Variants in FAT3 observed in about 807,000 individuals in gnomAD.
FAT3 encodes the protein FAT atypical cadherin 3, also known as protocadherin Fat 3.
Under a neutral mutation model 310.2 loss-of-function variants are expected in FAT3, and 95 were observed. The ratio of observed to expected loss-of-function variants is 0.31; its 90% CI spans 0.26 to 0.36. The LOEUF is 0.36. Among genes scored for constraint, FAT3 ranks in the 10% least tolerant of loss-of-function variants. The pLI is 1.00. For missense variants in FAT3, 5,408 were observed against 5,715.6 expected (o/e 0.95, Z 1.74); for synonymous variants, 2,314 against 2,192.9 (o/e 1.06, Z -1.54).
intron 4 of FAT3, among the ~76,000 whole-genome samples, chr11:92,761,085 G>A (rs890493696): frequency 1.3e-5 from 2 of 152,202 alleles, no homozygotes; most frequent in African/African-American, 4.8e-5. Flanking sequence ...TTAACATGGA[G>A]ATGTGTCTTA....
At chr11:92,400,706 C>T (rs961586233) in intron 2 of FAT3, 27 of 151,060 alleles carry the variant, frequency 1.8e-4, no homozygotes, top group Admixed American at 1.8e-3. Context: ...GGTAAGCCAC[C>T]TAAATAGAAG....
intron 24 of FAT3, among the ~76,000 whole-genome samples, chr11:92,884,966 AAACACTTGCC>A (rs1949764817): frequency 6.6e-6 from 1 of 152,230 alleles, no homozygotes; most frequent in Non-Finnish European, 1.5e-5. Context: ...GCAAGGAGAC[AAACACTTGCC>A]AACAAAGAAA....
intron 19 of FAT3, among the ~76,000 whole-genome samples, chr11:92,851,483 C>T (rs1384045236): frequency 1.3e-5 from 2 of 152,058 alleles, no homozygotes; most frequent in Non-Finnish European, 2.9e-5. Flanking sequence ...AAAAAATTAG[C>T]CAGGGCCAAA....
At chr11:92,370,675 A>T (rs2134714885) in intron 2 of FAT3, among the ~76,000 whole-genome samples, 1 of 152,300 alleles carries the variant, frequency 6.6e-6, no homozygotes, top group South Asian at 2.1e-4. Context: ...CTGACTGCTA[A>T]TTTATCCTAC....
intron 3 of FAT3, among the ~76,000 whole-genome samples, chr11:92,538,819 C>G (rs1591421528): frequency 6.6e-6 from 1 of 151,976 alleles, no homozygotes; most frequent in South Asian, 2.1e-4. Context: ...CTTATGGGAC[C>G]TTTTTTTCTG....
At chr11:92,773,926 T>C (rs1194732230) in intron 6 of FAT3, 115 bp from the exon 7 acceptor site, 4 of 1,076,056 alleles carry the variant, frequency 3.7e-6, no homozygotes, top group South Asian at 1.6e-5. Flanking sequence ...AATTGAGCCA[T>C]AGGGATGCCT....
At chr11:92,514,919 A>G (rs573554484) in intron 2 of FAT3, among the ~76,000 whole-genome samples, 2 of 152,264 alleles carry the variant, frequency 1.3e-5, no homozygotes, top group East Asian at 3.9e-4. Flanking sequence ...TGTGTTAGCT[A>G]AAACTGCCCA....
At chr11:92,423,617 C>T (rs1950573611) in intron 2 of FAT3, among the ~76,000 whole-genome samples, 1 of 152,070 alleles carries the variant, frequency 6.6e-6, no homozygotes, top group Admixed American at 6.6e-5. Context: ...TCAGGGTTCT[C>T]CAGAGAATAT....
intron 4 of FAT3, among the ~76,000 whole-genome samples, chr11:92,699,891 A>G (rs1261154150): frequency 4.6e-5 from 7 of 152,318 alleles, no homozygotes; most frequent in Non-Finnish European, 7.3e-5. Context: ...ATGACATAAT[A>G]TCAGAAGCTT....
At chr11:92,785,061 A>G (rs961806158) in intron 7 of FAT3, among the ~76,000 whole-genome samples, 10 of 151,908 alleles carry the variant, frequency 6.6e-5, no homozygotes, top group African/African-American at 2.4e-4. Flanking sequence ...TTTTTCTACC[A>G]CAAAGTACTA....
chr11:92,565,136 C>T (rs2135483011), intron 3 of FAT3, among the ~76,000 whole-genome samples: 1 of 134,758 alleles, frequency 7.4e-6, no homozygotes, highest in Non-Finnish European at 1.6e-5. Context: ...TGATAGACCG[C>T]TAGCAAGACT....
chr11:92,628,164 C>T (rs1490839168), intron 3 of FAT3, among the ~76,000 whole-genome samples: 2 of 152,186 alleles, frequency 1.3e-5, no homozygotes, highest in Non-Finnish European at 2.9e-5. Flanking sequence ...GAGTAATGCA[C>T]ATGTGCACTG....
intron 2 of FAT3, among the ~76,000 whole-genome samples, chr11:92,521,273 A>G (rs1445341972): frequency 2.0e-5 from 3 of 152,006 alleles, no homozygotes; most frequent in Admixed American, 6.6e-5. Flanking sequence ...CTTTTTAGTG[A>G]CCTTACTTTG....
intron 1 of FAT3, among the ~76,000 whole-genome samples, chr11:92,230,761 A>G (rs1864145935): frequency 1.3e-5 from 2 of 152,222 alleles, no homozygotes; most frequent in African/African-American, 4.8e-5. Flanking sequence ...GTGTGTGTAC[A>G]CTAGAAGTCA....
At chr11:92,470,786 G>T (rs1207418636) in intron 2 of FAT3, among the ~76,000 whole-genome samples, 1 of 152,086 alleles carries the variant, frequency 6.6e-6, no homozygotes, top group African/African-American at 2.4e-5. Flanking sequence ...TCAAAATTCT[G>T]TCTCTTAGAT....
intron 1 of FAT3, among the ~76,000 whole-genome samples, chr11:92,254,431 C>T (rs773247732): frequency 9.9e-5 from 15 of 152,012 alleles, no homozygotes; most frequent in Non-Finnish European, 1.9e-4. Context: ...GGGCAATGTG[C>T]GTAAAGAAGT....
chr11:92,433,465 G>A lies in FAT3; in HGVS notation c.3292+78061G>A, dbSNP rs554673970. ...TGTCCCTCATGGCACAGTCCCTCAC[G>A]GCTTTCCTTGGCTAGGGGAGGGAGT... On this transcript the variant is annotated intron_variant, in intron 2 of 27. Transcript: ENST00000525166. Among the ~76,000 whole-genome samples, 20 of 152,186 alleles carry A rather than the reference G, an allele frequency of 1.3e-4. No individual in the cohort carries two copies. In the East Asian group the frequency reaches 2.5e-3, roughly 19 times the overall value.
At chr11:92,435,959 T>C (rs934033235) in intron 2 of FAT3, among the ~76,000 whole-genome samples, 6 of 152,170 alleles carry the variant, frequency 3.9e-5, no homozygotes, top group Non-Finnish European at 5.9e-5. Context: ...AAATCATCCA[T>C]GTGGCCAATT....
At chr11:92,574,134 C>T (rs1036779817) in intron 3 of FAT3, among the ~76,000 whole-genome samples, 1 of 152,090 alleles carries the variant, frequency 6.6e-6, no homozygotes, top group African/African-American at 2.4e-5. Context: ...ATAGTGTAGC[C>T]ATGGATGAAG....
Sources: gnomAD v4.1 joint callset for allele counts (sites outside exome capture counted in the v4.1 genomes callset) on GRCh38, gnomAD v4.1.1 for gene constraint, MANE v1.5 for transcripts, NCBI Gene and HGNC (gene_info 2026-07-23, HGNC 2026-07-21) for gene names.